The following SLC25A48 variants were observed in gnomAD, a reference collection of about 807,000 sequenced individuals.
The protein encoded by SLC25A48 is solute carrier family 25 member 48.
A neutral mutation model predicts 32.2 loss-of-function variants in SLC25A48; 29 were observed. The ratio of observed to expected loss-of-function variants is 0.90; its 90% confidence interval spans 0.67 to 1.23. The LOEUF (loss-of-function observed/expected upper bound fraction) is 1.23, where lower values mean the gene tolerates loss of function less well. Ranked by LOEUF, SLC25A48 falls within the 50% of genes most tolerant of loss-of-function variation. The pLI is 0.00. For missense variants in SLC25A48, 399 were observed against 422.7 expected (o/e 0.94, Z 0.49); for synonymous variants, 164 against 172.3 (o/e 0.95, Z 0.38).
In SLC25A48 at chr5:135,780,639, G is replaced by T. The variant is rs1298904205; in HGVS notation, c.-520-31884G>T. On this transcript the variant is annotated intron_variant, in intron 3 of 10. Coordinates refer to the SLC25A48 transcript ENST00000646290. ...GATATTGTTTCTAATATTTTGGGGG[G>T]GGAGGAGATGATATTATTCCCAATG... is the stretch of plus-strand genomic sequence containing the variant. 1.7e-5 allele frequency among the ~76,000 whole-genome samples: 2 copies of T among 116,616 alleles called. 1 individual carries two copies. Among genetic ancestry groups the T allele is most frequent in the African/African-American group, 5.2e-5 (2 of 38,284 alleles). The allele number at this position is 116,616 out of a possible 152,430, so 76.5% of individuals were successfully genotyped here.
intron 3 of SLC25A48, among the ~76,000 whole-genome samples, chr5:135,801,674 C>T (rs1256792501): frequency 1.3e-5 from 2 of 151,162 alleles, no homozygotes; most frequent in African/African-American, 2.4e-5. Flanking sequence ...AGTGGGAATA[C>T]ACTCCCTATA....
chr5:135,641,691 G>A (rs1752841203), intron 3 of SLC25A48, among the ~76,000 whole-genome samples: 1 of 152,160 alleles, frequency 6.6e-6, no homozygotes, highest in Non-Finnish European at 1.5e-5. Flanking sequence ...CCCAACAGGA[G>A]GCATTTCTGT....
rs191514767 is a variant in SLC25A48, at chr5:135,839,190, A to G, written c.47-3226A>G. ...GGGCATGCAGATGAGCTATGTTGAT[A>G]GCATTTGCTAACTCCTGGGAGACAC... is the stretch of plus-strand genomic sequence containing the variant. On this transcript the variant is annotated intron_variant, in intron 1 of 7. Coordinates refer to ENST00000681962, the MANE Select transcript of SLC25A48 (RefSeq NM_001349336.2). 2.9e-4 allele frequency among the ~76,000 whole-genome samples: 44 copies of G among 152,342 alleles called. 1 individual carries two copies. The East Asian group carries it at 6.6e-3, about 23-fold the overall frequency.
At chr5:135,617,780 A>T (rs1752222700) in intron 1 of SLC25A48, among the ~76,000 whole-genome samples, 1 of 151,564 alleles carries the variant, frequency 6.6e-6, no homozygotes, top group Non-Finnish European at 1.5e-5. Flanking sequence ...TCCTCTTGTC[A>T]CTGATTTCCA....
chr5:135,839,167 G>A (rs1487841022), intron 1 of SLC25A48, among the ~76,000 whole-genome samples: 1 of 152,210 alleles, frequency 6.6e-6, no homozygotes, highest in Non-Finnish European at 1.5e-5. Flanking sequence ...TTGCAGTGGG[G>A]CATGCAGATG....
At chr5:135,681,162 A>T (rs2126950218) in intron 3 of SLC25A48, among the ~76,000 whole-genome samples, 1 of 152,106 alleles carries the variant, frequency 6.6e-6, no homozygotes, top group Middle Eastern at 3.4e-3. Context: ...TTTAGTAGAG[A>T]TGGGGTTTCT....
intron 3 of SLC25A48, among the ~76,000 whole-genome samples, chr5:135,696,644 GCAGGTT>G (rs1381300094): frequency 1.3e-5 from 2 of 152,218 alleles, no homozygotes; most frequent in African/African-American, 4.8e-5. Flanking sequence ...GTCACTGGAG[GCAGGTT>G]CTAACCTTGG....
intron 4 of SLC25A48, chr5:135,813,249 G>A (rs1234974130): frequency 2.6e-5 from 4 of 152,496 alleles, no homozygotes; most frequent in South Asian, 2.1e-4. Flanking sequence ...AGGGGCCTCA[G>A]GAGTGATGGG....
intron 1 of SLC25A48, among the ~76,000 whole-genome samples, chr5:135,583,408 C>T (rs1243661010): frequency 3.3e-5 from 5 of 151,944 alleles, no homozygotes; most frequent in African/African-American, 1.2e-4. Context: ...TGGTTTTCTG[C>T]CCTGGGAGCT....
Position 135,879,994 on chromosome 5 carries a change from C to G in SLC25A48, c.840C>G (p.Asn280Lys). The change falls in exon 7 of 8, where the codon AAC becomes AAG. Residue 280 changes from asparagine (N) to lysine (K), a missense_variant. Physicochemically the swap from Asn to Lys is moderately conservative, Grantham distance 94. Transcript: ENST00000681962. ...TGTTTTTCAGAGGCATCACTGTGAACGCGGTGCGGGGCTTCCCCATGAGTG... is the reference window on the plus strand; with the variant it reads ...TGTTTTTCAGAGGCATCACTGTGAAGGCGGTGCGGGGCTTCCCCATGAGTG... ...LKVFFRGITV[N>K]AVRGFPMSAA... The G allele has an allele frequency of 1.3e-6, 2 of 1,536,424 alleles. No individual in the cohort carries two copies. Among genetic ancestry groups the G allele is most frequent in the Non-Finnish European group, 1.7e-6 (2 of 1,146,960 alleles).
intron 3 of SLC25A48, among the ~76,000 whole-genome samples, chr5:135,767,348 G>A (rs747188252): frequency 4.0e-5 from 6 of 151,794 alleles, no homozygotes; most frequent in Admixed American, 6.6e-5. Context: ...TACATGCTTC[G>A]GAATATCTGG....
At chr5:135,723,713 A>C (rs891226138) in intron 3 of SLC25A48, among the ~76,000 whole-genome samples, 5 of 152,140 alleles carry the variant, frequency 3.3e-5, no homozygotes, top group Non-Finnish European at 7.4e-5. Context: ...ACAGTTTTGC[A>C]TTCTGTTTCT....
chr5:135,650,810 G>T (rs925874147), intron 3 of SLC25A48, among the ~76,000 whole-genome samples: 4 of 152,064 alleles, frequency 2.6e-5, no homozygotes, highest in South Asian at 2.1e-4. Context: ...TGGGTGGAAT[G>T]GGGGGCATAG....
At chr5:135,686,290 G>T (rs981356056) in intron 3 of SLC25A48, among the ~76,000 whole-genome samples, 1 of 152,188 alleles carries the variant, frequency 6.6e-6, no homozygotes, top group African/African-American at 2.4e-5. Context: ...GTTGTAGAGA[G>T]GATTAAATTA....
intron 6 of SLC25A48, among the ~76,000 whole-genome samples, chr5:135,876,879 C>T (rs981931552): frequency 6.6e-6 from 1 of 152,164 alleles, no homozygotes; most frequent in Non-Finnish European, 1.5e-5. Context: ...GGCTCCAGTT[C>T]CCAGTTGGCT....
chr5:135,864,986 A>G lies in SLC25A48; in HGVS notation c.422-6475A>G, dbSNP rs117837755. 4.0e-4 allele frequency among the ~76,000 whole-genome samples: 61 copies of G among 152,358 alleles called. 1 individual carries two copies. In the East Asian group the frequency reaches 0.01, roughly 25 times the overall value. On this transcript the variant is annotated intron_variant, in intron 4 of 7. Coordinates refer to ENST00000681962, the MANE Select transcript of SLC25A48 (RefSeq NM_001349336.2). ...CCAGAATCCAGAGTCATATAAGGACATGGTGATAAAAATAGGAATAAGAAC... is the reference window on the plus strand; with the variant it reads ...CCAGAATCCAGAGTCATATAAGGACGTGGTGATAAAAATAGGAATAAGAAC...
chr5:135,868,577 A>G (rs1425443607), intron 4 of SLC25A48, among the ~76,000 whole-genome samples: 1 of 152,174 alleles, frequency 6.6e-6, no homozygotes, highest in Admixed American at 6.5e-5. Flanking sequence ...TTTAGGGGTA[A>G]AGACTCTTCA....
rs569129528 is a variant in SLC25A48 at position 135,712,643 on chromosome 5, C to A, written c.-521+77687C>A. On this transcript the variant is annotated intron_variant, in intron 3 of 10. Coordinates refer to the SLC25A48 transcript ENST00000646290. The stretch of plus-strand genomic sequence containing the variant: ...ATTCCCTCAACCCAAACAGTTTCAA[C>A]TGAGGCTCACCAAAAGATCAGCTTC... Among the ~76,000 whole-genome samples, 223 of 152,312 alleles carry A rather than the reference C, an allele frequency of 1.5e-3. 3 individuals carry two copies. The highest frequency in any genetic ancestry group is 4.2e-3 in the African/African-American group (176 of 41,574).
intron 3 of SLC25A48, among the ~76,000 whole-genome samples, chr5:135,777,789 G>A (rs918289278): frequency 2.0e-5 from 3 of 150,886 alleles, no homozygotes; most frequent in African/African-American, 4.9e-5. Flanking sequence ...ATATCCGGGG[G>A]GGGGGGGAAT....
Sources: allele counts gnomAD v4.1 joint callset (sites outside exome capture counted in the v4.1 genomes callset), GRCh38; gene constraint gnomAD v4.1.1; transcripts MANE v1.5; gene names NCBI Gene and HGNC (gene_info 2026-07-23, HGNC 2026-07-21).